Variants in ZNF562 observed in about 807,000 individuals in gnomAD.
ZNF562 encodes zinc finger protein 562.
Under a neutral mutation model 17.5 loss-of-function variants are expected in ZNF562, and 13 were observed. The ratio of observed to expected loss-of-function variants is 0.74; its 90% confidence interval spans 0.48 to 1.18. The LOEUF is 1.18. Ranked by LOEUF, ZNF562 falls within the 50% of genes most tolerant of loss-of-function variation. ZNF562 has a pLI of 0.00. For synonymous variants in ZNF562, 163 were observed against 165.4 expected, an observed-to-expected ratio of 0.99 and a Z score of 0.11; for missense variants, 481 against 498.5, an observed-to-expected ratio of 0.96 and a Z score of 0.33.
At position 9,659,471 on chromosome 19, in the gene ZNF562, G is replaced by A. The variant is rs760682654; in HGVS notation, c.26-4C>T. On this transcript the variant is annotated splice_polypyrimidine_tract_variant and splice_region_variant and intron_variant, in intron 2 of 5. Transcript: ENST00000453372. The stretch of plus-strand genomic sequence containing the variant: ...ATTGGTTCCCTGGGAAAAAACCCTA[G>A]TGGAAAAGTAAGAAGGCATGAGAAG... The A allele has an allele frequency of 1.2e-4, 186 of 1,550,602 alleles. No individual in the cohort carries two copies. Among genetic ancestry groups the A allele is most frequent in the Non-Finnish European group, 1.5e-4 (175 of 1,146,760 alleles).
In ZNF562 at chr19:9,664,581, C is replaced by G. The variant is rs149335262; in HGVS notation, c.-130-3707G>C. 2.0e-5 allele frequency among the ~76,000 whole-genome samples: 3 copies of G among 152,288 alleles called. No homozygotes were observed. The South Asian group carries it at 6.2e-4, about 32-fold the overall frequency. ...AACATTATCTTGTACATTTCTTGCA[C>G]GGTTTGGCTTATGGATGTAATCATA... On this transcript the variant is annotated intron_variant, in intron 1 of 5. Coordinates refer to ENST00000453372, the MANE Select transcript of ZNF562 (RefSeq NM_001130031.2).
chr19:9,673,529 C>T (rs769917068), intron 1 of ZNF562, among the ~76,000 whole-genome samples: 1 of 152,034 alleles, frequency 6.6e-6, no homozygotes, highest in Non-Finnish European at 1.5e-5. Flanking sequence ...ATCTCCTGAC[C>T]TCAGGTGATC....
At position 9,650,582 on chromosome 19, in the gene ZNF562, G is replaced by C. The variant is rs1057323689; in HGVS notation, c.*2367C>G. The C allele has an allele frequency of 5.3e-5, 8 of 152,148 alleles. No homozygotes were observed. The highest frequency in any genetic ancestry group is 1.0e-4 in the Non-Finnish European group (7 of 68,018). The allele number at this position is 152,148 out of a possible 1,614,324, so 9.4% of individuals were successfully genotyped here. The stretch of plus-strand genomic sequence containing the variant: ...AGTGGGCACTTACATGCCAGGAAGA[G>C]AGCTCTCACTAGAGGTTGACCATGC... On this transcript the variant is annotated 3_prime_UTR_variant, in exon 6 of 6. Transcript: ENST00000453372.
chr19:9,664,194 A>C (rs1482210518), intron 1 of ZNF562, among the ~76,000 whole-genome samples: 1 of 152,020 alleles, frequency 6.6e-6, no homozygotes, highest in Non-Finnish European at 1.5e-5. Flanking sequence ...TCAGCCTCCC[A>C]AGTAGCTGCG....
At position 9,643,056 on chromosome 19, in the gene ZNF562, A is replaced by C. The variant is rs2074783041; in HGVS notation, c.*9893T>G. On this transcript the variant is annotated 3_prime_UTR_variant, in exon 6 of 6. Transcript: ENST00000453372. The stretch of plus-strand genomic sequence containing the variant: ...GACACTGTCTCTGGAAAAAAAAAAA[A>C]AAAAAAAGAACACCACCGGCCACTG... 7.1e-6 allele frequency: 1 copy of C among 141,260 alleles called. No homozygotes were observed. Among genetic ancestry groups the C allele is most frequent in the African/African-American group, 2.7e-5 (1 of 36,470 alleles). The allele number at this position is 141,260 out of a possible 1,614,324, so 8.8% of individuals were successfully genotyped here. A position where few individuals can be genotyped will look rare whatever the true frequency, so the allele number is the denominator to read the frequency against.
intron 1 of ZNF562, among the ~76,000 whole-genome samples, chr19:9,669,581 T>C (rs894364532): frequency 5.3e-5 from 8 of 151,998 alleles, no homozygotes; most frequent in Admixed American, 2.6e-4. Context: ...TCCCAAAACT[T>C]GAGGCTGCGG....
At chr19:9,659,778 C>A (rs548395389) in intron 2 of ZNF562, among the ~76,000 whole-genome samples, 15 of 151,548 alleles carry the variant, frequency 9.9e-5, no homozygotes, top group African/African-American at 3.6e-4. Flanking sequence ...CAAAGGCACA[C>A]AAACCAGGGC....
At chr19:9,655,537 C>T (rs902607292) in intron 5 of ZNF562, among the ~76,000 whole-genome samples, 13 of 151,862 alleles carry the variant, frequency 8.6e-5, no homozygotes, top group African/African-American at 3.1e-4. Flanking sequence ...AGCAATTCTG[C>T]CTCAGCCTCC....
chr19:9,663,291 G>T (rs2043826037), intron 1 of ZNF562, among the ~76,000 whole-genome samples: 1 of 150,376 alleles, frequency 6.6e-6, no homozygotes, highest in Admixed American at 6.6e-5. Flanking sequence ...GGCGCCTGTA[G>T]TCCCAGATAC....
At chr19:9,673,282 C>A (rs1485661401) in intron 1 of ZNF562, among the ~76,000 whole-genome samples, 4 of 152,160 alleles carry the variant, frequency 2.6e-5, no homozygotes, top group African/African-American at 9.7e-5. Context: ...AAACCCCTTC[C>A]CCTCCCTTAT....
intron 5 of ZNF562, among the ~76,000 whole-genome samples, chr19:9,655,452 T>A (rs552256758): frequency 6.6e-6 from 1 of 152,244 alleles, no homozygotes; most frequent in Non-Finnish European, 1.5e-5. Context: ...CCCTCAAGGG[T>A]GCAGGCTACT....
intron 1 of ZNF562, among the ~76,000 whole-genome samples, chr19:9,663,699 C>CA (rs1324709709): frequency 6.6e-6 from 1 of 151,304 alleles, no homozygotes; most frequent in Admixed American, 6.6e-5. Flanking sequence ...TTTTCTGAGA[C>CA]AGAGTCTCAT....
At position 9,646,312 on chromosome 19, in the gene ZNF562, C is replaced by CCTTGGCCG. The variant is rs2074806195; in HGVS notation, c.*6636_*6637insCGGCCAAG. 6.6e-6 allele frequency: 1 copy of CCTTGGCCG among 152,132 alleles called. No homozygotes were observed. The highest frequency in any genetic ancestry group is 1.5e-5 in the Non-Finnish European group (1 of 68,068). 9.4% of individuals were successfully genotyped at this position (152,132 alleles called of 1,614,324 possible). On this transcript the variant is annotated 3_prime_UTR_variant, in exon 6 of 6. Transcript: ENST00000453372. ...TCTCGAACTCCCGACCTCAGGTGAT[C>CCTTGGCCG]ACCTGCCTTGGCCTCCCAAAGTGCT...
intron 1 of ZNF562, among the ~76,000 whole-genome samples, chr19:9,674,096 C>A (rs1195895039): frequency 6.6e-6 from 1 of 152,200 alleles, no homozygotes; most frequent in Non-Finnish European, 1.5e-5. Flanking sequence ...GTGGCCCCTG[C>A]CGCTTTGTCC....
chr19:9,672,112 C>T (rs2145055028), intron 1 of ZNF562, among the ~76,000 whole-genome samples: 1 of 152,248 alleles, frequency 6.6e-6, no homozygotes, highest in Non-Finnish European at 1.5e-5. Context: ...GTGTGACTCT[C>T]TGAAAGTCAA....
chr19:9,656,774 C>T, intron 4 of ZNF562, 121 bp from the exon 5 acceptor site: 2 of 959,444 alleles, frequency 2.1e-6, no homozygotes, highest in South Asian at 1.6e-5. Context: ...CCCGTAATCC[C>T]AGGACTTTGG....
rs1237791365 is a variant in ZNF562, at chr19:9,647,243, A to G, written c.*5706T>C. 6.6e-6 allele frequency: 1 copy of G among 151,900 alleles called. No individual in the cohort carries two copies. Among genetic ancestry groups the G allele is most frequent in the Non-Finnish European group, 1.5e-5 (1 of 68,054 alleles). The allele number at this position is 151,900 out of a possible 1,614,324, so 9.4% of individuals were successfully genotyped here. ...ATTACAGGGGCACAATACCGTGCCC[A>G]GCTAATTTTTGTATTTTTAGTAAAG... On this transcript the variant is annotated 3_prime_UTR_variant, in exon 6 of 6. Coordinates refer to ENST00000453372, the MANE Select transcript of ZNF562 (RefSeq NM_001130031.2).
intron 1 of ZNF562, among the ~76,000 whole-genome samples, chr19:9,668,471 C>T (rs2044031699): frequency 6.6e-6 from 1 of 151,534 alleles, no homozygotes; most frequent in Non-Finnish European, 1.5e-5. Flanking sequence ...GTAGAGAATA[C>T]AGAAAAAAAA....
In ZNF562 at chr19:9,649,955, A is replaced by T. The variant is rs1282632254; in HGVS notation, c.*2994T>A. 1 of 152,110 alleles carries T rather than the reference A, an allele frequency of 6.6e-6. No individual in the cohort carries two copies. The highest frequency in any genetic ancestry group is 1.9e-4 in the East Asian group (1 of 5,196). The allele number at this position is 152,110 out of a possible 1,614,324, so 9.4% of individuals were successfully genotyped here. On this transcript the variant is annotated 3_prime_UTR_variant, in exon 6 of 6. Transcript: ENST00000453372. ...TCTGCCCCGGACACCCAGCTTTAAA[A>T]TTTCTCTCTTTTGTACTCTGTCCCT...
Sources: allele counts gnomAD v4.1 joint callset (sites outside exome capture counted in the v4.1 genomes callset), GRCh38; gene constraint gnomAD v4.1.1; transcripts MANE v1.5; gene names NCBI Gene and HGNC (gene_info 2026-07-23, HGNC 2026-07-21).